Variants in EXD1 observed in about 807,000 individuals in gnomAD.
EXD1 encodes piRNA biogenesis protein EXD1.
Under a neutral mutation model 49.1 loss-of-function variants are expected in EXD1, and 63 were observed. The ratio of observed to expected loss-of-function variants is 1.28; its 90% CI spans 1.05 to 1.58. The LOEUF (loss-of-function observed/expected upper bound fraction) is 1.58. EXD1 is among the 40% of genes most tolerant of loss of function. EXD1 has a pLI of 0.00. For synonymous variants in EXD1, 234 were observed against 239.2 expected, an observed-to-expected ratio of 0.98 and a Z score of 0.20; for missense variants, 748 against 666.0, an observed-to-expected ratio of 1.12 and a Z score of -1.36.
chr15:41,199,491 G>T (rs11852986), intron 7 of EXD1, among the ~76,000 whole-genome samples: 4 of 149,110 alleles, frequency 2.7e-5, no homozygotes, highest in Admixed American at 6.7e-5. Context: ...CCTGGAGGGG[G>T]TGGGTGGTGC....
At chr15:41,191,403 A>G (rs747959655) in intron 10 of EXD1, 39 bp downstream of exon 10, 18 of 1,547,926 alleles carry the variant, frequency 1.2e-5, no homozygotes, top group African/African-American at 4.3e-5. Flanking sequence ...AAAACACTTG[A>G]AAAAAAATAA....
chr15:41,195,653 A>G (rs2046596277), intron 9 of EXD1, 122 bp downstream of exon 9: 1 of 567,580 alleles, frequency 1.8e-6, no homozygotes, highest in Non-Finnish European at 2.8e-6. Flanking sequence ...AGTGAGCAGA[A>G]ATGGAGCACC....
chr15:41,191,382 ATAC>A, intron 10 of EXD1, 57 bp downstream of exon 10: 1 of 1,501,690 alleles, frequency 6.7e-7, no homozygotes, highest in Non-Finnish European at 9.2e-7. Flanking sequence ...CAGGCTGATA[ATAC>A]TGCTCAGAAA....
chr15:41,196,507 G>A (rs1325267141), intron 7 of EXD1, among the ~76,000 whole-genome samples: 2 of 151,922 alleles, frequency 1.3e-5, no homozygotes, highest in Non-Finnish European at 2.9e-5. Context: ...TAGTAGAGAA[G>A]GGGTTTCACC....
At chr15:41,229,282 C>T (rs1304987424) in intron 1 of EXD1, among the ~76,000 whole-genome samples, 1 of 151,754 alleles carries the variant, frequency 6.6e-6, no homozygotes, top group South Asian at 2.1e-4. Context: ...GTTTGAGACC[C>T]GCCTAGACAA....
At chr15:41,218,557 G>A (rs761227742) in intron 3 of EXD1, among the ~76,000 whole-genome samples, 5 of 150,772 alleles carry the variant, frequency 3.3e-5, no homozygotes, top group East Asian at 2.0e-4. Context: ...AATGAATTCC[G>A]TGCATACAGA....
At chr15:41,204,342 G>A (rs1448382783) in intron 7 of EXD1, among the ~76,000 whole-genome samples, 2 of 151,736 alleles carry the variant, frequency 1.3e-5, no homozygotes, top group Non-Finnish European at 2.9e-5. Context: ...CCTGAGGTTG[G>A]GAGTTCAAGA....
At chr15:41,190,379 A>G in intron 10 of EXD1, 1 of 412,166 alleles carries the variant, frequency 2.4e-6, no homozygotes, top group East Asian at 5.1e-5. Flanking sequence ...AAGCTGAGGC[A>G]GGAGAATCGC....
Position 41,195,833 on chromosome 15 carries a change from A to G in EXD1, c.662T>C (p.Leu221Pro). ...ATACTGATGAGAGAGGCAATCAGAAAGCCAACGACAATCATGGATAACCTA... is the reference window on the plus strand; with the variant it reads ...ATACTGATGAGAGAGGCAATCAGAAGGCCAACGACAATCATGGATAACCTA... ...ILKVIHDCRW[L>P]SDCLSHQYGI... Residue 221 changes from leucine (L) to proline (P), a missense_variant, in exon 9 of 12, where the codon CTT becomes CCT. By Grantham distance (98) the Leu-to-Pro change is moderately conservative. Transcript: ENST00000458580. The G allele has an allele frequency of 6.2e-7, 1 of 1,613,700 alleles. No individual in the cohort carries two copies. Among genetic ancestry groups the G allele is most frequent in the Non-Finnish European group, 8.5e-7 (1 of 1,179,918 alleles).
Position 41,209,510 on chromosome 15 carries a change from G to A in EXD1, c.525C>T (p.Cys175=). The A allele has an allele frequency of 6.8e-6, 11 of 1,614,046 alleles. No individual in the cohort carries two copies. In the East Asian group the frequency reaches 8.9e-5, roughly 13 times the overall value. ...TTCAAAAATCTTTCACCTGCAGCCA[G>A]CACAGTTTGCCATGGCGACATACAT... The part of the protein sequence containing the change: ...GANVCRHGKL[C]WLQVATNCRV... Residue 175 remains cysteine (C), a synonymous_variant, in exon 7 of 12, where the codon TGC becomes TGT. Transcript: ENST00000458580.
At position 41,219,516 on chromosome 15, in the gene EXD1, G is replaced by A. The variant is rs1363828283; in HGVS notation, c.202+314C>T. 3 of 232,562 alleles carry A rather than the reference G, an allele frequency of 1.3e-5. No individual in the cohort carries two copies. In the Admixed American group the frequency reaches 1.6e-4, roughly 13 times the overall value. The allele number at this position is 232,562 out of a possible 1,614,324, so 14.4% of individuals were successfully genotyped here. On this transcript the variant is annotated intron_variant, in intron 3 of 11. Transcript: ENST00000458580. ...TGAGACATTTGGCCCCAAGGTTTTGGATGAGGAATTGTGAATGGACTGTGA... is the reference window on the plus strand; with the variant it reads ...TGAGACATTTGGCCCCAAGGTTTTGAATGAGGAATTGTGAATGGACTGTGA...
chr15:41,219,515 G>A (rs1332930589), intron 3 of EXD1: 3 of 231,556 alleles, frequency 1.3e-5, no homozygotes, highest in African/African-American at 6.8e-5. Context: ...CCAAGGTTTT[G>A]GATGAGGAAT....
chr15:41,186,090 T>C (rs549364416), intron 11 of EXD1, among the ~76,000 whole-genome samples: 20 of 152,332 alleles, frequency 1.3e-4, no homozygotes, highest in Admixed American at 1.2e-3. Flanking sequence ...CTGTTCCTGA[T>C]ATTAGTGTTC....
intron 7 of EXD1, among the ~76,000 whole-genome samples, chr15:41,197,992 C>G (rs1275058501): frequency 1.3e-5 from 2 of 151,806 alleles, no homozygotes; most frequent in Admixed American, 1.3e-4. Context: ...CCATCGCACT[C>G]CAGCCTGGAG....
At chr15:41,230,022 G>A (rs2047215274) in intron 1 of EXD1, among the ~76,000 whole-genome samples, 1 of 151,724 alleles carries the variant, frequency 6.6e-6, no homozygotes, top group Admixed American at 6.6e-5. Context: ...GGTAAGGCAG[G>A]TGAAGCAGTA....
At chr15:41,225,911 C>G (rs955026159) in intron 2 of EXD1, among the ~76,000 whole-genome samples, 1 of 109,230 alleles carries the variant, frequency 9.2e-6, no homozygotes, top group Non-Finnish European at 1.7e-5. Context: ...CAAAACAAAA[C>G]AAAAAAAACC....
chr15:41,191,758 A>G (rs892451924), intron 9 of EXD1, among the ~76,000 whole-genome samples, 173 bp from the exon 10 acceptor site: 2 of 148,720 alleles, frequency 1.3e-5, no homozygotes, highest in African/African-American at 2.5e-5. Flanking sequence ...GAAAAATGAG[A>G]AAAAAAAAAC....
intron 6 of EXD1, among the ~76,000 whole-genome samples, chr15:41,210,183 G>C (rs2046900087): frequency 6.6e-6 from 1 of 152,260 alleles, no homozygotes; most frequent in East Asian, 1.9e-4. Context: ...CCAAAGTGCT[G>C]GGATTACAGG....
chr15:41,223,527 C>T (rs1177029976), intron 2 of EXD1, among the ~76,000 whole-genome samples: 1 of 151,764 alleles, frequency 6.6e-6, no homozygotes, highest in Non-Finnish European at 1.5e-5. Context: ...TGGAGACAAG[C>T]CCAGGCAACA....
Sources: allele counts gnomAD v4.1 joint callset (sites outside exome capture counted in the v4.1 genomes callset), GRCh38; gene constraint gnomAD v4.1.1; transcripts MANE v1.5; gene names NCBI Gene and HGNC (gene_info 2026-07-23, HGNC 2026-07-21).